PIK3C2A: variants seen among roughly 807,000 people sequenced by gnomAD.
The protein encoded by PIK3C2A is phosphatidylinositol 4-phosphate 3-kinase C2 domain-containing subunit alpha.
A neutral mutation model predicts 204.5 loss-of-function variants in PIK3C2A; 97 were observed. The ratio of observed to expected loss-of-function variants is 0.47; its 90% CI spans 0.40 to 0.56. The LOEUF (loss-of-function observed/expected upper bound fraction) is 0.56, where lower values mean the gene tolerates loss of function less well. Ranked by LOEUF, PIK3C2A falls within the 20% of genes least tolerant of loss-of-function variation. PIK3C2A has a pLI of 0.00. For synonymous variants in PIK3C2A, 653 were observed against 664.4 expected, an observed-to-expected ratio of 0.98 and a Z score of 0.26; for missense variants, 1,735 against 1,969.2, an observed-to-expected ratio of 0.88 and a Z score of 2.25.
chr11:17,166,290 TAATA>T (rs1056006265), intron 2 of PIK3C2A, among the ~76,000 whole-genome samples: 1 of 151,994 alleles, frequency 6.6e-6, no homozygotes, highest in Non-Finnish European at 1.5e-5. Flanking sequence ...GTAAAAATAA[TAATA>T]AATAAAGAGT....
At chr11:17,099,440 A>T (rs1436190107) in intron 26 of PIK3C2A, among the ~76,000 whole-genome samples, 1 of 152,172 alleles carries the variant, frequency 6.6e-6, no homozygotes, top group Non-Finnish European at 1.5e-5. Flanking sequence ...CCAGCTATTC[A>T]GGAGGCTGAG....
chr11:17,114,488 G>T, intron 19 of PIK3C2A, 23 bp from the exon 20 acceptor site: 2 of 995,328 alleles, frequency 2.0e-6, no homozygotes, highest in Non-Finnish European at 3.2e-6. Context: ...ATGTGATACT[G>T]TAAGTACATA....
chr11:17,135,164 A>G lies in PIK3C2A; in HGVS notation c.1849-5T>C. 6.2e-7 allele frequency: 1 copy of G among 1,613,872 alleles called. No homozygotes were observed. Among genetic ancestry groups the G allele is most frequent in the Non-Finnish European group, 8.5e-7 (1 of 1,179,798 alleles). On this transcript the variant is annotated splice_polypyrimidine_tract_variant and splice_region_variant and intron_variant, in intron 9 of 32. Coordinates refer to ENST00000691414, the MANE Select transcript of PIK3C2A (RefSeq NM_002645.4). ...TCCTCCAAACAAAGAAGTCACCTACACATGCACACACACACACAATAGTCA... is the reference window on the plus strand; with the variant it reads ...TCCTCCAAACAAAGAAGTCACCTACGCATGCACACACACACACAATAGTCA...
At chr11:17,194,108 A>G (rs1852054714) in intron 1 of PIK3C2A, 2 of 638,020 alleles carry the variant, frequency 3.1e-6, no homozygotes, top group Non-Finnish European at 4.5e-6. Flanking sequence ...AAAGGGTGTC[A>G]GCAGCAAGCT....
chr11:17,118,903 A>C (rs1373461143), intron 17 of PIK3C2A, among the ~76,000 whole-genome samples, 164 bp from the exon 18 acceptor site: 2 of 152,226 alleles, frequency 1.3e-5, no homozygotes, highest in Non-Finnish European at 2.9e-5. Flanking sequence ...AAACTAATTT[A>C]AATCAAACAC....
At chr11:17,178,711 GAATTTTTT>G (rs1263056444) in intron 1 of PIK3C2A, among the ~76,000 whole-genome samples, 4 of 89,252 alleles carry the variant, frequency 4.5e-5, no homozygotes, top group Middle Eastern at 7.4e-3. Flanking sequence ...GTTGATTTTT[GAATTTTTT>G]TTTTTTTTTT....
At position 17,168,894 on chromosome 11, in the gene PIK3C2A, T is replaced by C. The variant is rs754602826; in HGVS notation, c.848A>G (p.Asn283Ser). Residue 283 changes from asparagine (N) to serine (S), a missense_variant, in exon 2 of 33, where the codon AAT (asparagine) becomes AGT (serine). Coordinates refer to ENST00000691414, the MANE Select transcript of PIK3C2A (RefSeq NM_002645.4). ...LDPLSKPKVD[N>S]VEVLDHEEEK... ...TTCCTCATGGTCTAATACCTCCACA[T>C]TATCCACCTTAGGCTTACTTAGAGG... 6.2e-7 allele frequency: 1 copy of C among 1,614,150 alleles called. No individual in the cohort carries two copies. Among genetic ancestry groups the C allele is most frequent in the Non-Finnish European group, 8.5e-7 (1 of 1,180,002 alleles).
intron 1 of PIK3C2A, among the ~76,000 whole-genome samples, chr11:17,188,487 G>A (rs1851832504): frequency 6.8e-6 from 1 of 147,208 alleles, no homozygotes; most frequent in Non-Finnish European, 1.5e-5. Flanking sequence ...AAAACGTACT[G>A]TAGATGGGGA....
At chr11:17,160,449 G>T (rs1224758226) in intron 2 of PIK3C2A, among the ~76,000 whole-genome samples, 3 of 152,122 alleles carry the variant, frequency 2.0e-5, no homozygotes, top group Non-Finnish European at 2.9e-5. Context: ...TATGGTCGAG[G>T]GATTGGCAAT....
At chr11:17,147,378 A>G (rs1018612381) in intron 6 of PIK3C2A, 139 bp downstream of exon 6, 9 of 592,080 alleles carry the variant, frequency 1.5e-5, no homozygotes, top group East Asian at 2.9e-5. Flanking sequence ...TCATTTGCTA[A>G]GAAGATTCCT....
chr11:17,135,261 CA>C, intron 9 of PIK3C2A, 102 bp from the exon 10 acceptor site: 1 of 1,023,016 alleles, frequency 9.8e-7, no homozygotes, highest in South Asian at 1.4e-5. Context: ...GGAAACCTCC[CA>C]AGTATCTACA....
chr11:17,187,379 TTTA>T (rs1274490584), intron 1 of PIK3C2A, among the ~76,000 whole-genome samples: 1 of 152,154 alleles, frequency 6.6e-6, no homozygotes, highest in Non-Finnish European at 1.5e-5. Flanking sequence ...AAATAATAGC[TTTA>T]TTGAGATATA....
intron 24 of PIK3C2A, 140 bp downstream of exon 24, chr11:17,102,522 G>T (rs1487978481): frequency 6.5e-6 from 4 of 612,048 alleles, no homozygotes; most frequent in Non-Finnish European, 1.2e-5. Context: ...CTACTATGTG[G>T]TATGGTCATA....
intron 1 of PIK3C2A, among the ~76,000 whole-genome samples, chr11:17,203,605 A>C (rs1385408337): frequency 9.2e-5 from 14 of 152,132 alleles, no homozygotes; most frequent in Non-Finnish European, 2.9e-5. Context: ...TACCAGTGAT[A>C]ATTTTCTCAT....
intron 1 of PIK3C2A, among the ~76,000 whole-genome samples, chr11:17,186,128 T>C (rs1851742496): frequency 6.6e-6 from 1 of 152,144 alleles, no homozygotes; most frequent in Admixed American, 6.6e-5. Flanking sequence ...TGCTCTTCTG[T>C]TACCTCTGAC....
At chr11:17,183,175 A>G (rs1851623469) in intron 1 of PIK3C2A, among the ~76,000 whole-genome samples, 1 of 152,222 alleles carries the variant, frequency 6.6e-6, no homozygotes, top group Non-Finnish European at 1.5e-5. Flanking sequence ...GTAAAACATT[A>G]AAAAATGAAT....
intron 32 of PIK3C2A, 110 bp downstream of exon 32, chr11:17,091,224 G>A (rs1848300526): frequency 1.1e-6 from 1 of 913,224 alleles, no homozygotes; most frequent in South Asian, 1.6e-5. Context: ...ACAATGGTAC[G>A]TTTAGCTATG....
In PIK3C2A at chr11:17,119,927, C is replaced by A; in HGVS notation, c.2705G>T (p.Cys902Phe). ...KAFLWEKRYYCFKHPNCLPKI... is the reference protein window; with the variant it reads ...KAFLWEKRYYFFKHPNCLPKI... ...AGGAAGACAATTTGGGTGTTTGAAG[C>A]AATAATAACGTTTCTCCCATAAAAA... The change falls in exon 16 of 33, where the codon TGC becomes TTC. Residue 902 changes from cysteine to phenylalanine, a missense_variant. Cys to Phe is a radical substitution (Grantham distance 205). Transcript: ENST00000691414. 10 of 1,607,738 alleles carry A rather than the reference C, an allele frequency of 6.2e-6. No individual in the cohort carries two copies. The South Asian group carries it at 1.1e-4, about 18-fold the overall frequency.
At chr11:17,183,428 A>AACT (rs780846469) in intron 1 of PIK3C2A, among the ~76,000 whole-genome samples, 1 of 151,998 alleles carries the variant, frequency 6.6e-6, no homozygotes, top group Non-Finnish European at 1.5e-5. Flanking sequence ...GTAATCCCAG[A>AACT]ACTTTGGGAG....
Sources: allele counts gnomAD v4.1 joint callset (sites outside exome capture counted in the v4.1 genomes callset), GRCh38; gene constraint gnomAD v4.1.1; transcripts MANE v1.5; gene names NCBI Gene and HGNC (gene_info 2026-07-23, HGNC 2026-07-21).